Variants in ZFY observed in about 807,000 individuals in gnomAD.
The protein encoded by ZFY is zinc finger protein Y-linked, also known as zinc finger Y-chromosomal protein.
For synonymous variants in ZFY, 47 were observed against 55.8 expected, an observed-to-expected ratio of 0.84 and a Z score of 0.71; for missense variants, 113 against 170.9, an observed-to-expected ratio of 0.66 and a Z score of 1.89.
At chrY:2,976,046 A>G (rs2051368228) in intron 5 of ZFY, among the ~76,000 whole-genome samples, 1 of 31,065 alleles carries the variant, frequency 3.2e-5, no homozygotes, top group Non-Finnish European at 7.8e-5. Context: ...GTATTCCATG[A>G]TGTATATGTG....
chrY:2,936,533 T>A, intron 1 of ZFY, among the ~76,000 whole-genome samples: 1 of 34,062 alleles, frequency 2.9e-5, no homozygotes, highest in Non-Finnish European at 7.3e-5. Context: ...TTTTCCCATT[T>A]ATGTGGAAAC....
Position 2,980,615 on chromosome Y carries a change from A to C in ZFY, c.*622A>C. ...TAGTGTTTACATCTTTTGTCAGCAC[A>C]GCAAACTTTTAGAAAGTAATAGTTT... On this transcript the variant is annotated 3_prime_UTR_variant, in exon 8 of 8. Coordinates refer to ENST00000155093, the MANE Select transcript of ZFY (RefSeq NM_003411.4). 2.9e-5 allele frequency: 1 copy of C among 34,596 alleles called. No individual in the cohort carries two copies. The highest frequency in any genetic ancestry group is 7.2e-5 in the Non-Finnish European group (1 of 13,855). The allele number at this position is 34,596 out of a possible 400,897, so 8.6% of individuals were successfully genotyped here. A position where few individuals can be genotyped will look rare whatever the true frequency, so the allele number is the denominator to read the frequency against.
chrY:2,963,670 G>T (rs2051317842), intron 3 of ZFY, among the ~76,000 whole-genome samples: 1 of 33,023 alleles, frequency 3.0e-5, no homozygotes, highest in Non-Finnish European at 7.5e-5. Context: ...GTGATTAAAT[G>T]AATAAATGAA....
rs2124518260 is a variant in ZFY at position 2,982,252 on chromosome Y, G to A, written c.*2259G>A. On this transcript the variant is annotated 3_prime_UTR_variant, in exon 8 of 8. Coordinates refer to ENST00000155093, the MANE Select transcript of ZFY (RefSeq NM_003411.4). ...CTGGTTTTAATTCTTAATTTGATTA[G>A]CAAAGCTAAAAAAGTGGATGTTGAA... is the stretch of plus-strand genomic sequence containing the variant. 3.0e-5 allele frequency: 1 copy of A among 33,401 alleles called. No homozygotes were observed. The highest frequency in any genetic ancestry group is 7.4e-5 in the Non-Finnish European group (1 of 13,434). The allele number at this position is 33,401 out of a possible 400,897, so 8.3% of individuals were successfully genotyped here. A position where few individuals can be genotyped will look rare whatever the true frequency, so the allele number is the denominator to read the frequency against.
chrY:2,980,214 T>C lies in ZFY; in HGVS notation c.*221T>C. 1 of 133,418 alleles carries C rather than the reference T, an allele frequency of 7.5e-6. No individual in the cohort carries two copies. Among genetic ancestry groups the C allele is most frequent in the East Asian group, 1.4e-4 (1 of 7,313 alleles). 33.3% of individuals were successfully genotyped at this position (133,418 alleles called of 400,897 possible). Reference sequence around the variant, plus strand: ...GAAAAATAGCAACAAGCAAGTTGCTTATAATAAAATAATTTGTGATTCTAT... The same window carrying C: ...GAAAAATAGCAACAAGCAAGTTGCTCATAATAAAATAATTTGTGATTCTAT... On this transcript the variant is annotated 3_prime_UTR_variant, in exon 8 of 8. Coordinates refer to ENST00000155093, the MANE Select transcript of ZFY (RefSeq NM_003411.4).
At chrY:2,938,844 C>T (rs2051226285) in intron 1 of ZFY, among the ~76,000 whole-genome samples, 1 of 29,795 alleles carries the variant, frequency 3.4e-5, no homozygotes, top group African/African-American at 1.3e-4. Flanking sequence ...TCCTAAAGTG[C>T]TGGGATTACA....
chrY:2,948,918 A>G, intron 1 of ZFY, among the ~76,000 whole-genome samples: 1 of 33,072 alleles, frequency 3.0e-5, no homozygotes, highest in African/African-American at 1.2e-4. Context: ...AAAGCTTCAT[A>G]GCTTACTGCA....
intron 1 of ZFY, among the ~76,000 whole-genome samples, chrY:2,941,854 C>T (rs894545248): frequency 6.3e-5 from 2 of 31,747 alleles, no homozygotes; most frequent in Admixed American, 5.8e-4. Context: ...TGGAATAATA[C>T]CCAGTTGTTT....
intron 1 of ZFY, among the ~76,000 whole-genome samples, chrY:2,944,352 T>G: frequency 3.5e-5 from 1 of 28,535 alleles, no homozygotes; most frequent in Non-Finnish European, 8.6e-5. Context: ...AATTTTAGAG[T>G]TTTTTTTTTT....
At chrY:2,941,780 G>C in intron 1 of ZFY, among the ~76,000 whole-genome samples, 1 of 32,445 alleles carries the variant, frequency 3.1e-5, no homozygotes, top group Non-Finnish European at 7.5e-5. Flanking sequence ...TGGCATTTCA[G>C]GCATGAGCCA....
chrY:2,979,145 T>C lies in ZFY; in HGVS notation c.1558T>C (p.Cys520Arg). 2.5e-6 allele frequency: 1 copy of C among 399,092 alleles called. No homozygotes were observed. The highest frequency in any genetic ancestry group is 3.5e-6 in the Non-Finnish European group (1 of 283,743). The change falls in exon 8 of 8, where the codon TGT becomes CGT. Residue 520 changes from cysteine to arginine, a missense_variant. Cys to Arg is a radical substitution (Grantham distance 180, BLOSUM62 -3). Coordinates refer to ENST00000155093, the MANE Select transcript of ZFY (RefSeq NM_003411.4). ...CAACAAAATGCACAAGTGTAAATTC[T>C]GTGAATATGAGACAGCTGAACAGGG... The part of the protein sequence containing the change: ...GANKMHKCKF[C>R]EYETAEQGLL...
chrY:2,977,780 CAAAAAAAAAAAAAAAAA>C, intron 6 of ZFY, 143 bp from the exon 7 acceptor site: 11 of 11,932 alleles, frequency 9.2e-4, no homozygotes, highest in Non-Finnish European at 1.4e-3. Context: ...GACTCTGTCT[CAAAAAAAAAAAAAAAAA>C]AAAAAAAAAA....
At chrY:2,957,235 G>A in intron 2 of ZFY, among the ~76,000 whole-genome samples, 1 of 30,652 alleles carries the variant, frequency 3.3e-5, no homozygotes, top group Admixed American at 3.0e-4. Flanking sequence ...ACATGATTAT[G>A]GCTCCTCACT....
At position 2,961,414 on chromosome Y, in the gene ZFY, T is replaced by C; in HGVS notation, c.402T>C (p.His134=). ...ITSTSMSMPE[H]VLTSESMHVC... is the part of the protein sequence containing the mutation. ...CAACCTCAATGTCTATGCCAGAACATGTTTTAACGAGTGAATCCATGCATG... is the reference window on the plus strand; with the variant it reads ...CAACCTCAATGTCTATGCCAGAACACGTTTTAACGAGTGAATCCATGCATG... Residue 134 remains histidine (H), a synonymous_variant, in exon 3 of 8, where the codon CAT becomes CAC. Coordinates refer to ENST00000155093, the MANE Select transcript of ZFY (RefSeq NM_003411.4). 2.5e-6 allele frequency: 1 copy of C among 399,444 alleles called. No homozygotes were observed. The highest frequency in any genetic ancestry group is 3.5e-6 in the Non-Finnish European group (1 of 283,788).
intron 3 of ZFY, among the ~76,000 whole-genome samples, chrY:2,973,429 C>T (rs995696600): frequency 6.1e-5 from 2 of 32,797 alleles, no homozygotes; most frequent in African/African-American, 2.4e-4. Context: ...GTTTAATTGA[C>T]TTAAACATAA....
chrY:2,944,577 G>A, intron 1 of ZFY, among the ~76,000 whole-genome samples: 1 of 30,121 alleles, frequency 3.3e-5, no homozygotes, highest in African/African-American at 1.3e-4. Flanking sequence ...TTACAGTCCT[G>A]TAATTTTTTT....
At chrY:2,938,734 T>C (rs2051225929) in intron 1 of ZFY, among the ~76,000 whole-genome samples, 1 of 28,867 alleles carries the variant, frequency 3.5e-5, no homozygotes, top group Non-Finnish European at 8.1e-5. Context: ...TGTGCCACCA[T>C]ACCCAGGTAA....
intron 1 of ZFY, among the ~76,000 whole-genome samples, chrY:2,936,027 C>T: frequency 2.9e-5 from 1 of 35,000 alleles, no homozygotes. Flanking sequence ...GTCTGCGCAA[C>T]AGGGCGTGCT....
intron 3 of ZFY, 30 bp from the exon 4 acceptor site, chrY:2,975,065 T>C: frequency 7.6e-6 from 3 of 394,551 alleles, no homozygotes; most frequent in South Asian, 3.0e-5. Context: ...TCTGCTGTTA[T>C]GGTTGATGAT....
Sources: allele counts gnomAD v4.1 joint callset (sites outside exome capture counted in the v4.1 genomes callset), GRCh38; gene constraint gnomAD v4.1.1; transcripts MANE v1.5; gene names NCBI Gene and HGNC (gene_info 2026-07-23, HGNC 2026-07-21).